Variants in NCKAP5 observed in about 807,000 individuals in gnomAD.
NCKAP5 encodes the protein NCK associated protein 5.
A neutral mutation model predicts 167.0 loss-of-function variants in NCKAP5; 92 were observed. The ratio of observed to expected loss-of-function variants is 0.55; its 90% CI spans 0.47 to 0.66. The LOEUF is 0.66. NCKAP5 is among the 30% of genes least tolerant of loss of function. The pLI is 0.00. For missense variants in NCKAP5, 2,378 were observed against 2,315.0 expected (o/e 1.03, Z -0.56); for synonymous variants, 891 against 877.4 (o/e 1.02, Z -0.27).
At chr2:133,256,337 T>C (rs2088617889) in intron 4 of NCKAP5, among the ~76,000 whole-genome samples, 1 of 152,156 alleles carries the variant, frequency 6.6e-6, no homozygotes, top group Admixed American at 6.5e-5. Flanking sequence ...TTCATCTGAA[T>C]TAACAACCCC....
chr2:133,207,228 G>A (rs2085992149), intron 5 of NCKAP5, among the ~76,000 whole-genome samples: 1 of 151,992 alleles, frequency 6.6e-6, no homozygotes, highest in Admixed American at 6.6e-5. Flanking sequence ...GTCACCCCTG[G>A]AGACACAGCT....
At chr2:133,327,195 C>T (rs1186022559) in intron 3 of NCKAP5, among the ~76,000 whole-genome samples, 2 of 152,178 alleles carry the variant, frequency 1.3e-5, no homozygotes, top group African/African-American at 4.8e-5. Context: ...AGTTCTAGGC[C>T]GAGCTCTCAG....
intron 4 of NCKAP5, among the ~76,000 whole-genome samples, chr2:133,242,769 T>C (rs1020349873): frequency 3.2e-4 from 49 of 152,182 alleles, no homozygotes; most frequent in African/African-American, 1.1e-3. Context: ...CTGACAAACA[T>C]GTAAACAATA....
intron 11 of NCKAP5, among the ~76,000 whole-genome samples, chr2:132,803,509 A>G (rs1685195794): frequency 6.6e-6 from 1 of 152,222 alleles, no homozygotes; most frequent in Non-Finnish European, 1.5e-5. Flanking sequence ...CACTTCCATG[A>G]CAGCCTGATT....
At chr2:132,925,761 T>C (rs1695834883) in intron 8 of NCKAP5, among the ~76,000 whole-genome samples, 1 of 152,050 alleles carries the variant, frequency 6.6e-6, no homozygotes, top group South Asian at 2.1e-4. Context: ...TAGTTAATTC[T>C]AGTCTAAAAT....
intron 6 of NCKAP5, among the ~76,000 whole-genome samples, chr2:133,073,484 G>A (rs1436725323): frequency 6.6e-6 from 1 of 152,130 alleles, no homozygotes; most frequent in East Asian, 1.9e-4. Flanking sequence ...GTGCCAGGCT[G>A]GCACACATTC....
At chr2:133,165,767 C>T (rs777602164) in intron 5 of NCKAP5, among the ~76,000 whole-genome samples, 2 of 152,100 alleles carry the variant, frequency 1.3e-5, no homozygotes, top group Non-Finnish European at 2.9e-5. Flanking sequence ...CATTTGCTGG[C>T]TACTATTTGG....
intron 3 of NCKAP5, among the ~76,000 whole-genome samples, chr2:133,320,687 C>T (rs530392971): frequency 6.6e-6 from 1 of 152,188 alleles, no homozygotes; most frequent in East Asian, 1.9e-4. Flanking sequence ...GAGATCACAC[C>T]ACTGCACTCC....
chr2:132,995,614 G>T (rs939442067), intron 6 of NCKAP5, among the ~76,000 whole-genome samples: 2 of 150,718 alleles, frequency 1.3e-5, no homozygotes, highest in African/African-American at 2.5e-5. Flanking sequence ...TCACACCACC[G>T]CACTCCAGCC....
At chr2:132,789,670 C>T (rs750872919) in intron 13 of NCKAP5, among the ~76,000 whole-genome samples, 1 of 152,150 alleles carries the variant, frequency 6.6e-6, no homozygotes, top group Admixed American at 6.5e-5. Context: ...CTGCTCAAAG[C>T]ACAAAGGTAT....
At chr2:133,190,701 A>G (rs1260109614) in intron 5 of NCKAP5, among the ~76,000 whole-genome samples, 4 of 152,092 alleles carry the variant, frequency 2.6e-5, no homozygotes, top group African/African-American at 9.7e-5. Flanking sequence ...TGGTGCTGGA[A>G]AAAACTGGCT....
chr2:132,846,102 C>A (rs572385340), intron 11 of NCKAP5, among the ~76,000 whole-genome samples: 1 of 152,034 alleles, frequency 6.6e-6, no homozygotes, highest in Non-Finnish European at 1.5e-5. Context: ...AGAAATATAT[C>A]GGCTCTTGCG....
At chr2:132,767,829 A>C (rs1295436804) in intron 16 of NCKAP5, among the ~76,000 whole-genome samples, 2 of 152,390 alleles carry the variant, frequency 1.3e-5, no homozygotes, top group East Asian at 1.9e-4. Flanking sequence ...CCTCCGGGGA[A>C]GAATGGAGGA....
chr2:132,763,401 G>T (rs1681177489), intron 16 of NCKAP5, among the ~76,000 whole-genome samples: 1 of 152,098 alleles, frequency 6.6e-6, no homozygotes, highest in Non-Finnish European at 1.5e-5. Flanking sequence ...TGCTCATGTG[G>T]TTTCTCTTGA....
chr2:132,726,456 G>A (rs555110662), intron 18 of NCKAP5, among the ~76,000 whole-genome samples: 1 of 152,292 alleles, frequency 6.6e-6, no homozygotes, highest in Admixed American at 6.5e-5. Context: ...TGTATGAACA[G>A]TATTCCCCTC....
chr2:133,527,497 C>T (rs1448539305), intron 2 of NCKAP5, among the ~76,000 whole-genome samples: 1 of 151,688 alleles, frequency 6.6e-6, no homozygotes, highest in African/African-American at 2.4e-5. Flanking sequence ...ACCCACCCAC[C>T]CCCCAAAATA....
intron 16 of NCKAP5, among the ~76,000 whole-genome samples, chr2:132,755,048 T>C (rs1157123312): frequency 6.6e-6 from 1 of 152,250 alleles, no homozygotes; most frequent in East Asian, 1.9e-4. Context: ...ACTTGGTTTA[T>C]GGCTGTGCCT....
chr2:133,382,890 G>A (rs1031956639), intron 3 of NCKAP5, among the ~76,000 whole-genome samples: 3 of 152,040 alleles, frequency 2.0e-5, no homozygotes, highest in African/African-American at 7.3e-5. Context: ...TTTGTCCTCA[G>A]TGTCTTACCA....
In NCKAP5 at chr2:132,785,256, T is replaced by C. The variant is rs1451780336; in HGVS notation, c.1555A>G (p.Lys519Glu). ...GAGGATGTGCCTTCCAGAAAGTGTT[T>C]TCTGTTTGTCTCCCAGCCAAACAGA... Reference protein sequence around the residue: ...DSLFGWETNRKHFLEGTSSVY... With the variant: ...DSLFGWETNREHFLEGTSSVY... The change falls in exon 14 of 20, where the codon AAA (lysine) becomes GAA (glutamate). Residue 519 changes from lysine to glutamate, a missense_variant. Physicochemically the swap from Lys to Glu is moderately conservative, Grantham distance 56. Transcript: ENST00000409261. 2.5e-6 allele frequency: 4 copies of C among 1,573,824 alleles called. No homozygotes were observed. The African/African-American group carries it at 5.4e-5, about 21-fold the overall frequency.
Sources: allele counts gnomAD v4.1 joint callset (sites outside exome capture counted in the v4.1 genomes callset), GRCh38; gene constraint gnomAD v4.1.1; transcripts MANE v1.5; gene names NCBI Gene and HGNC (gene_info 2026-07-23, HGNC 2026-07-21).